VPS13A: variants seen among roughly 807,000 people sequenced by gnomAD.
VPS13A encodes the protein vacuolar protein sorting 13 homolog A.
Under a neutral mutation model 390.9 loss-of-function variants are expected in VPS13A, and 264 were observed. The ratio of observed to expected loss-of-function variants is 0.68; its 90% CI spans 0.61 to 0.75. The LOEUF (loss-of-function observed/expected upper bound fraction) is 0.75. VPS13A is among the 30% of genes least tolerant of loss of function. The probability of loss-of-function intolerance (pLI) is 0.00; values close to 1 mark genes in which losing one functional copy is unlikely to be tolerated. For synonymous variants in VPS13A, 1,231 were observed against 1,227.1 expected (o/e 1.00, Z -0.07); for missense variants, 3,409 against 3,733.9 (o/e 0.91, Z 2.27).
intron 1 of VPS13A, among the ~76,000 whole-genome samples, chr9:77,198,498 T>C (rs547229046): frequency 2.6e-4 from 39 of 152,314 alleles, no homozygotes; most frequent in African/African-American, 8.9e-4. Context: ...TTTCCGATTT[T>C]GGAGTTTTGG....
At chr9:77,363,681 C>T (rs375123034) in intron 59 of VPS13A, among the ~76,000 whole-genome samples, 3 of 152,118 alleles carry the variant, frequency 2.0e-5, no homozygotes, top group Admixed American at 6.5e-5. Flanking sequence ...TTTTCTCCTG[C>T]AAACTATTAG....
chr9:77,250,258 T>G (rs1031636245), intron 21 of VPS13A, 29 bp downstream of exon 21: 2 of 1,610,670 alleles, frequency 1.2e-6, no homozygotes, highest in South Asian at 1.1e-5. Flanking sequence ...ATTTGTTGAT[T>G]GATTTTGTTG....
chr9:77,276,228 A>C lies in VPS13A; in HGVS notation c.2824+7A>C. On this transcript the variant is annotated splice_region_variant and intron_variant, in intron 26 of 71. Coordinates refer to ENST00000360280, the MANE Select transcript of VPS13A (RefSeq NM_033305.3). ...AAATGCCCAGAATACTTGGGTAAGA[A>C]TCTCTATTTTTTAAAATAAATAAAT... The C allele has an allele frequency of 6.3e-7, 1 of 1,586,012 alleles. No individual in the cohort carries two copies. The highest frequency in any genetic ancestry group is 8.6e-7 in the Non-Finnish European group (1 of 1,168,068).
chr9:77,283,721 T>G (rs1004803764), intron 31 of VPS13A, 71 bp downstream of exon 31: 1 of 1,244,158 alleles, frequency 8.0e-7, no homozygotes, highest in African/African-American at 1.5e-5. Flanking sequence ...GTCATAGGTA[T>G]CATTTGGACA....
Position 77,360,779 on chromosome 9 carries a change from ACC to A in VPS13A, c.8211+139_8211+140del, listed in dbSNP as rs1166532567. The A allele has an allele frequency of 4.7e-6, 3 of 639,572 alleles. No homozygotes were observed. In the African/African-American group the frequency reaches 5.6e-5, roughly 12 times the overall value. 39.6% of individuals were successfully genotyped at this position (639,572 alleles called of 1,614,324 possible). On this transcript the variant is annotated intron_variant, in intron 59 of 71. Coordinates refer to ENST00000360280, the MANE Select transcript of VPS13A (RefSeq NM_033305.3). ...ATTTTATTACTCTCTTGTGGTACAT[ACC>A]TTTTTAGAAATCTTATTTTCTGATG...
chr9:77,370,631 C>T, intron 65 of VPS13A, 53 bp downstream of exon 65: 1 of 1,608,982 alleles, frequency 6.2e-7, no homozygotes, highest in Non-Finnish European at 8.5e-7. Context: ...TTTAAACAAA[C>T]CTACATTTGC....
chr9:77,343,672 A>G (rs1037110304), intron 50 of VPS13A, among the ~76,000 whole-genome samples: 1 of 152,150 alleles, frequency 6.6e-6, no homozygotes, highest in Admixed American at 6.6e-5. Flanking sequence ...TTTGAATACT[A>G]CTTTTACTTT....
chr9:77,337,143 T>G, intron 46 of VPS13A, 112 bp from the exon 47 acceptor site: 1 of 1,087,188 alleles, frequency 9.2e-7, no homozygotes, highest in Non-Finnish European at 1.3e-6. Flanking sequence ...AATATAAAAA[T>G]GTACTACAAT....
chr9:77,404,207 AT>A (rs1430189358), intron 69 of VPS13A, among the ~76,000 whole-genome samples: 1 of 152,116 alleles, frequency 6.6e-6, no homozygotes, highest in Non-Finnish European at 1.5e-5. Flanking sequence ...GAGGCAGCCC[AT>A]TTTTTACTTG....
chr9:77,189,955 A>G (rs1261847153), intron 1 of VPS13A, among the ~76,000 whole-genome samples: 1 of 152,184 alleles, frequency 6.6e-6, no homozygotes, highest in Non-Finnish European at 1.5e-5. Flanking sequence ...TTGATTTTGT[A>G]TCCTGAAAGT....
At chr9:77,375,305 A>G (rs538043951) in intron 67 of VPS13A, among the ~76,000 whole-genome samples, 1 of 152,202 alleles carries the variant, frequency 6.6e-6, no homozygotes, top group African/African-American at 2.4e-5. Context: ...ACTGAAAGTA[A>G]AAGGAGGAAT....
At chr9:77,277,792 A>G (rs79249351) in intron 26 of VPS13A, among the ~76,000 whole-genome samples, 2,531 of 152,240 alleles carry the variant, frequency 0.017, 64 homozygotes, top group African/African-American at 0.058. Context: ...GTCTGGATGC[A>G]CCACAGTTTA....
chr9:77,344,754 G>A (rs1316900965), intron 51 of VPS13A, among the ~76,000 whole-genome samples: 2 of 149,192 alleles, frequency 1.3e-5, no homozygotes, highest in African/African-American at 2.5e-5. Flanking sequence ...GCAAGACTCC[G>A]TCTCAAGAAA....
At chr9:77,313,510 A>T (rs1212013579) in intron 35 of VPS13A, among the ~76,000 whole-genome samples, 1 of 152,202 alleles carries the variant, frequency 6.6e-6, no homozygotes, top group Non-Finnish European at 1.5e-5. Context: ...TTTTAAGCTC[A>T]TTTAATATGT....
chr9:77,382,082 T>C lies in VPS13A; in HGVS notation c.9184T>C (p.Leu3062=). ...RLRDGTGNQM[L]QVMENGRFAK... ...GAGGGATGGGACTGGAAATCAAATGTTACAGGTAAATTAAGAGCTATCTTA... is the reference window on the plus strand; with the variant it reads ...GAGGGATGGGACTGGAAATCAAATGCTACAGGTAAATTAAGAGCTATCTTA... The change falls in exon 68 of 72, where the codon TTA becomes CTA. Residue 3062 remains leucine, a synonymous_variant. Coordinates refer to ENST00000360280, the MANE Select transcript of VPS13A (RefSeq NM_033305.3). The C allele has an allele frequency of 6.2e-7, 1 of 1,604,612 alleles. No individual in the cohort carries two copies. The highest frequency in any genetic ancestry group is 1.1e-5 in the South Asian group (1 of 89,236).
chr9:77,395,111 G>A (rs1406668869), intron 68 of VPS13A, among the ~76,000 whole-genome samples: 2 of 152,180 alleles, frequency 1.3e-5, no homozygotes, highest in Non-Finnish European at 2.9e-5. Flanking sequence ...TTTGGTACAA[G>A]AGGTACTACC....
In VPS13A at chr9:77,287,224, TTCTC is replaced by T. The variant is rs147295666; in HGVS notation, c.3339+3596_3339+3599del. ...TAATATATTTTATATATACATAAAATTCTCTCTCTCTCTCTCTCTCTCTCTGTCT... is the reference window on the plus strand; with the variant it reads ...TAATATATTTTATATATACATAAAATTCTCTCTCTCTCTCTCTCTCTGTCT... On this transcript the variant is annotated intron_variant, in intron 31 of 71. Transcript: ENST00000360280. Among the ~76,000 whole-genome samples, 56 of 144,978 alleles carry T rather than the reference TTCTC, an allele frequency of 3.9e-4. 1 individual carries two copies. The highest frequency in any genetic ancestry group is 3.7e-3 in the Middle Eastern group (1 of 270).
chr9:77,360,315 G>A (rs1188914495), intron 58 of VPS13A, among the ~76,000 whole-genome samples: 2 of 151,884 alleles, frequency 1.3e-5, no homozygotes, highest in Admixed American at 6.6e-5. Context: ...TTATGACTCT[G>A]TATGACAGTT....
At chr9:77,229,921 T>G (rs746092076) in intron 17 of VPS13A, among the ~76,000 whole-genome samples, 5 of 152,178 alleles carry the variant, frequency 3.3e-5, no homozygotes, top group Non-Finnish European at 7.4e-5. Context: ...CATATCTTCA[T>G]CAACACTTGT....
Sources: gnomAD v4.1 joint callset for allele counts (sites outside exome capture counted in the v4.1 genomes callset) on GRCh38, gnomAD v4.1.1 for gene constraint, MANE v1.5 for transcripts, NCBI Gene and HGNC (gene_info 2026-07-23, HGNC 2026-07-21) for gene names.